HHAT: variants seen among roughly 807,000 people sequenced by gnomAD.
HHAT encodes the protein protein-cysteine N-palmitoyltransferase HHAT.
A neutral mutation model predicts 70.8 loss-of-function variants in HHAT; 47 were observed. That is an observed-to-expected ratio of 0.66 (90% confidence interval 0.53 to 0.85). The LOEUF (loss-of-function observed/expected upper bound fraction) is 0.85, where lower values mean the gene tolerates loss of function less well. Among genes scored for constraint, HHAT ranks in the 40% least tolerant of loss-of-function variants. HHAT has a pLI of 0.00. For synonymous variants in HHAT, 228 were observed against 247.6 expected, an observed-to-expected ratio of 0.92 and a Z score of 0.74; for missense variants, 609 against 604.8, an observed-to-expected ratio of 1.01 and a Z score of -0.07.
chr1:210,474,226 A>T (rs531431751), intron 8 of HHAT, among the ~76,000 whole-genome samples: 1 of 152,290 alleles, frequency 6.6e-6, no homozygotes, highest in African/African-American at 2.4e-5. Context: ...TAACAAACCG[A>T]TATTTTCTAA....
At chr1:210,539,515 C>T (rs893172297) in intron 9 of HHAT, among the ~76,000 whole-genome samples, 1 of 152,072 alleles carries the variant, frequency 6.6e-6, no homozygotes, top group Non-Finnish European at 1.5e-5. Context: ...AAGTAACCTG[C>T]GATTTAAGAT....
chr1:210,612,375 A>G (rs1251105896), intron 10 of HHAT, among the ~76,000 whole-genome samples: 1 of 152,128 alleles, frequency 6.6e-6, no homozygotes, highest in Non-Finnish European at 1.5e-5. Flanking sequence ...TGACTGTTTT[A>G]GGTATCTTAT....
intron 1 of HHAT, among the ~76,000 whole-genome samples, chr1:210,332,292 G>T (rs78335529): frequency 0.084 from 12,803 of 152,270 alleles, 615 homozygotes; most frequent in African/African-American, 0.13. Flanking sequence ...TAGTTGTGCA[G>T]CTGTGGTGTT....
intron 11 of HHAT, chr1:210,631,266 C>T (rs1023475991): frequency 2.7e-6 from 1 of 376,078 alleles, no homozygotes; most frequent in Non-Finnish European, 5.2e-6. Context: ...CTGTTTACAC[C>T]ATGAACCATC....
At chr1:210,559,896 A>G (rs190211577) in intron 9 of HHAT, among the ~76,000 whole-genome samples, 1 of 152,346 alleles carries the variant, frequency 6.6e-6, no homozygotes, top group African/African-American at 2.4e-5. Flanking sequence ...CTTCCCAAAG[A>G]CATTTCTAAT....
At chr1:210,468,289 C>T (rs150911824) in intron 8 of HHAT, among the ~76,000 whole-genome samples, 64 of 152,248 alleles carry the variant, frequency 4.2e-4, no homozygotes, top group African/African-American at 1.4e-3. Context: ...GTCTAAGACT[C>T]CAAATTAGAG....
intron 8 of HHAT, 125 bp downstream of exon 8, chr1:210,464,780 C>T (rs2094063808): frequency 2.2e-6 from 2 of 915,326 alleles, no homozygotes; most frequent in African/African-American, 1.7e-5. Flanking sequence ...ATTTGGCATC[C>T]ATTTCTTCAT....
At chr1:210,333,970 C>A (rs1289919570) in intron 1 of HHAT, among the ~76,000 whole-genome samples, 1 of 152,138 alleles carries the variant, frequency 6.6e-6, no homozygotes, top group Non-Finnish European at 1.5e-5. Flanking sequence ...ACTGCTCTTA[C>A]TACTGTGAGT....
chr1:210,389,595 T>C (rs1319489467), intron 4 of HHAT, among the ~76,000 whole-genome samples: 1 of 152,246 alleles, frequency 6.6e-6, no homozygotes, highest in Non-Finnish European at 1.5e-5. Flanking sequence ...CCCACTTTGC[T>C]CATTCTCTCT....
chr1:210,525,658 C>T (rs2095234474), intron 9 of HHAT, among the ~76,000 whole-genome samples: 1 of 152,146 alleles, frequency 6.6e-6, no homozygotes, highest in Non-Finnish European at 1.5e-5. Flanking sequence ...GAGAAACTCT[C>T]AATACTTGAG....
At chr1:210,331,257 TG>T (rs2084961287) in intron 1 of HHAT, among the ~76,000 whole-genome samples, 1 of 151,242 alleles carries the variant, frequency 6.6e-6, no homozygotes, top group Non-Finnish European at 1.5e-5. Flanking sequence ...TCTGGGGGGG[TG>T]TGTTGGTAGA....
intron 5 of HHAT, among the ~76,000 whole-genome samples, chr1:210,403,627 G>T (rs962620958): frequency 6.6e-6 from 1 of 152,202 alleles, no homozygotes; most frequent in Non-Finnish European, 1.5e-5. Flanking sequence ...AGCTTTAAGA[G>T]ACCCTGATGG....
chr1:210,345,737 T>A (rs1427970959), intron 1 of HHAT, among the ~76,000 whole-genome samples: 1 of 152,222 alleles, frequency 6.6e-6, no homozygotes, highest in Non-Finnish European at 1.5e-5. Context: ...AAGTTACAAT[T>A]TCCAAGACCC....
intron 8 of HHAT, among the ~76,000 whole-genome samples, chr1:210,501,952 C>T (rs1363848120): frequency 6.6e-6 from 1 of 151,870 alleles, no homozygotes; most frequent in Non-Finnish European, 1.5e-5. Context: ...TATGTGGGAA[C>T]CCTCATCCTT....
Position 210,546,150 on chromosome 1 carries a change from A to C in HHAT, c.1043+32962A>C, listed in dbSNP as rs188394024. Among the ~76,000 whole-genome samples the C allele has an allele frequency of 5.9e-5, 9 of 152,356 alleles. No homozygotes were observed. In the East Asian group the frequency reaches 1.7e-3, roughly 29 times the overall value. ...TGTGCTTCAGCTGGTCAATTCAGCT[A>C]ACATTCTTTCAGTGTCTACTACATG... On this transcript the variant is annotated intron_variant, in intron 9 of 11. Coordinates refer to ENST00000261458, the MANE Select transcript of HHAT (RefSeq NM_018194.6).
chr1:210,655,101 CAT>C (rs1363471553), intron 11 of HHAT, among the ~76,000 whole-genome samples: 1 of 152,154 alleles, frequency 6.6e-6, no homozygotes, highest in African/African-American at 2.4e-5. Context: ...AGGTCACAAA[CAT>C]AACCAGCCAG....
At chr1:210,524,610 G>T (rs947101251) in intron 9 of HHAT, among the ~76,000 whole-genome samples, 25 of 152,216 alleles carry the variant, frequency 1.6e-4, no homozygotes, top group African/African-American at 5.3e-4. Flanking sequence ...GCTCCATTTT[G>T]AATGTGATAG....
intron 6 of HHAT, among the ~76,000 whole-genome samples, chr1:210,414,011 T>A (rs1219748299): frequency 6.6e-6 from 1 of 152,226 alleles, no homozygotes; most frequent in Non-Finnish European, 1.5e-5. Context: ...TCTGCCGTAG[T>A]CCATTTGAGC....
chr1:210,652,083 C>T (rs80117600), intron 11 of HHAT, among the ~76,000 whole-genome samples: 3 of 152,330 alleles, frequency 2.0e-5, no homozygotes, highest in African/African-American at 7.2e-5. Flanking sequence ...TCTATCATGA[C>T]ATTTCCAAGA....
Sources: gnomAD v4.1 joint callset for allele counts (sites outside exome capture counted in the v4.1 genomes callset) on GRCh38, gnomAD v4.1.1 for gene constraint, MANE v1.5 for transcripts, NCBI Gene and HGNC (gene_info 2026-07-23, HGNC 2026-07-21) for gene names.